The following CELA3A variants were observed in gnomAD, a reference collection of about 807,000 sequenced individuals.
CELA3A encodes chymotrypsin-like elastase family member 3A.
Under a neutral mutation model 38.6 loss-of-function variants are expected in CELA3A, and 35 were observed. The ratio of observed to expected loss-of-function variants is 0.91; its 90% CI spans 0.69 to 1.20. The LOEUF is 1.20. Ranked by LOEUF, CELA3A falls within the 50% of genes most tolerant of loss-of-function variation. The pLI, the probability that CELA3A is intolerant of heterozygous loss-of-function variation, is 0.00. For synonymous variants in CELA3A, 143 were observed against 136.7 expected (o/e 1.05, Z -0.32); for missense variants, 343 against 354.2 (o/e 0.97, Z 0.25).
chr1:22,006,906 C>G lies in CELA3A; in HGVS notation c.391C>G (p.Arg131Gly). ...GNDIALIKLSRSAQLGDAVQL... is the reference protein window; with the variant it reads ...GNDIALIKLSGSAQLGDAVQL... ...TGACATCGCCCTCATCAAGCTCTCA[C>G]GCAGCGCCCAGCTGGGAGATGCCGT... Residue 131 changes from arginine to glycine, a missense_variant, in exon 5 of 8, where the codon CGC becomes GGC. Coordinates refer to ENST00000290122, the MANE Select transcript of CELA3A (RefSeq NM_005747.5). 1 of 1,612,324 alleles carries G rather than the reference C, an allele frequency of 6.2e-7. No individual in the cohort carries two copies. Among genetic ancestry groups the G allele is most frequent in the Non-Finnish European group, 8.5e-7 (1 of 1,179,400 alleles).
At chr1:22,008,460 C>G (rs2152819729) in intron 6 of CELA3A, among the ~76,000 whole-genome samples, 1 of 142,984 alleles carries the variant, frequency 7.0e-6, no homozygotes. Context: ...AAGACCTTGT[C>G]TAAGAAAAAA....
intron 1 of CELA3A, 143 bp downstream of exon 1, chr1:22,001,860 T>C: frequency 8.3e-7 from 1 of 1,211,186 alleles, no homozygotes; most frequent in Non-Finnish European, 1.2e-6. Flanking sequence ...GGCATGACTG[T>C]AGGGGCTTTC....
At chr1:22,012,118 T>TAC (rs1232077904) in intron 7 of CELA3A, among the ~76,000 whole-genome samples, 2 of 127,650 alleles carry the variant, frequency 1.6e-5, no homozygotes, top group East Asian at 5.1e-4. Flanking sequence ...TATATATATA[T>TAC]ACACAAACAC....
intron 5 of CELA3A, 97 bp downstream of exon 5, chr1:22,007,111 A>G (rs1291757176): frequency 2.0e-6 from 3 of 1,512,128 alleles, no homozygotes; most frequent in Non-Finnish European, 2.7e-6. Context: ...CGGACCTTGT[A>G]CTTTTCTCCC....
In CELA3A at chr1:22,007,356, GC is replaced by G; in HGVS notation, c.500-16del. The G allele has an allele frequency of 6.2e-7, 1 of 1,602,870 alleles. No homozygotes were observed. Among genetic ancestry groups the G allele is most frequent in the Non-Finnish European group, 8.5e-7 (1 of 1,174,742 alleles). On this transcript the variant is annotated splice_polypyrimidine_tract_variant and intron_variant, in intron 5 of 7. Coordinates refer to ENST00000290122, the MANE Select transcript of CELA3A (RefSeq NM_005747.5). ...TGTGCCCCCAGACCCCTGACTCGGTGCTTTTTATCCTTGCAGCCAATGGGCC... is the reference window on the plus strand; with the variant it reads ...TGTGCCCCCAGACCCCTGACTCGGTGTTTTTATCCTTGCAGCCAATGGGCC...
In CELA3A at chr1:22,005,521, T is replaced by G. The variant is rs1351556381; in HGVS notation, c.204T>G (p.Val68=). ...GTAGCCTCATCGCCCCCGATTGGGT[T>G]GTGACTGCCGGCCACTGCATCTCGT... The part of the protein sequence containing the change: ...CGGSLIAPDW[V]VTAGHCISRD... The change falls in exon 3 of 8, where the codon GTT becomes GTG. Residue 68 remains valine, a synonymous_variant. Coordinates refer to ENST00000290122, the MANE Select transcript of CELA3A (RefSeq NM_005747.5). 3.1e-6 allele frequency: 5 copies of G among 1,612,826 alleles called. No individual in the cohort carries two copies. The South Asian group carries it at 3.3e-5, about 11-fold the overall frequency.
chr1:22,001,753 G>T (rs1644920005), intron 1 of CELA3A, 36 bp downstream of exon 1: 1 of 1,610,178 alleles, frequency 6.2e-7, no homozygotes, highest in African/African-American at 1.4e-5. Context: ...TCCCTGGGCT[G>T]CCCTGGACTA....
At position 22,007,008 on chromosome 1, in the gene CELA3A, C is replaced by A; in HGVS notation, c.493C>A (p.Leu165Ile). ...TPCYITGWGR[L>I]YTNGPLPDKL... ...CTGCTACATCACCGGCTGGGGCCGTCTCTATAGTACGTGCTGACTTCTCTA... is the reference window on the plus strand; with the variant it reads ...CTGCTACATCACCGGCTGGGGCCGTATCTATAGTACGTGCTGACTTCTCTA... The change falls in exon 5 of 8, where the codon CTC becomes ATC. Residue 165 changes from leucine to isoleucine, a missense_variant. By Grantham distance (5) the Leu-to-Ile change is conservative. Transcript: ENST00000290122. 1 of 1,612,370 alleles carries A rather than the reference C, an allele frequency of 6.2e-7. No individual in the cohort carries two copies. Among genetic ancestry groups the A allele is most frequent in the East Asian group, 2.2e-5 (1 of 44,700 alleles).
rs1336172444 is a variant in CELA3A, at chr1:22,007,026, C to A, written c.499+12C>A. On this transcript the variant is annotated intron_variant, in intron 5 of 7. Transcript: ENST00000290122. ...GGGCCGTCTCTATAGTACGTGCTGA[C>A]TTCTCTAGCTGGCCACAGAGACAGT... 4 of 1,611,058 alleles carry A rather than the reference C, an allele frequency of 2.5e-6. No individual in the cohort carries two copies. Among genetic ancestry groups the A allele is most frequent in the Non-Finnish European group, 3.4e-6 (4 of 1,178,572 alleles).
At chr1:22,004,088 T>C (rs1005352688) in intron 2 of CELA3A, among the ~76,000 whole-genome samples, 8 of 149,690 alleles carry the variant, frequency 5.3e-5, no homozygotes, top group African/African-American at 2.0e-4. Flanking sequence ...TTTTTTTTTT[T>C]TGAGACAGGG....
At chr1:22,001,857 C>A in intron 1 of CELA3A, 140 bp downstream of exon 1, 1 of 1,217,320 alleles carries the variant, frequency 8.2e-7, no homozygotes, top group Non-Finnish European at 1.2e-6. Flanking sequence ...GGGGGCATGA[C>A]TGTAGGGGCT....
rs778405151 is a variant in CELA3A at position 22,008,737 on chromosome 1, T to C, written c.643-968T>C. 5.3e-3 allele frequency among the ~76,000 whole-genome samples: 507 copies of C among 96,332 alleles called. 25 individuals carry two copies. The highest frequency in any genetic ancestry group is 0.018 in the African/African-American group (480 of 27,020). The allele number at this position is 96,332 out of a possible 152,430, so 63.2% of individuals were successfully genotyped here. A position where few individuals can be genotyped will look rare whatever the true frequency, so the allele number is the denominator to read the frequency against. On this transcript the variant is annotated intron_variant, in intron 6 of 7. Coordinates refer to ENST00000290122, the MANE Select transcript of CELA3A (RefSeq NM_005747.5). ...TCGCGCCACTGCACTCCAACCTGGG[T>C]GACAGAGCGAGACGCTGACTCAGAA... is the stretch of plus-strand genomic sequence containing the variant.
intron 2 of CELA3A, 43 bp downstream of exon 2, chr1:22,003,131 G>A: frequency 6.6e-7 from 1 of 1,520,850 alleles, no homozygotes; most frequent in Non-Finnish European, 8.9e-7. Context: ...CGTGGGCTCT[G>A]GACCCTAAGC....
chr1:22,009,598 C>T (rs1644971042), intron 6 of CELA3A, 107 bp from the exon 7 acceptor site: 1 of 1,391,370 alleles, frequency 7.2e-7, no homozygotes, highest in Non-Finnish European at 9.8e-7. Flanking sequence ...AGCTAAGGCT[C>T]AGAGGTGTCA....
At position 22,009,772 on chromosome 1, in the gene CELA3A, G is replaced by T. The variant is rs757118771; in HGVS notation, c.710G>T (p.Ser237Ile). The T allele has an allele frequency of 2.5e-6, 4 of 1,612,040 alleles. No homozygotes were observed. The highest frequency in any genetic ancestry group is 3.4e-6 in the Non-Finnish European group (4 of 1,179,344). ...DGGWQVHGVT[S>I]FVSAFGCNFI... ...GGCTGGCAGGTCCACGGTGTGACCA[G>T]CTTTGTTTCTGCCTTTGGCTGCAAC... Residue 237 changes from serine (S) to isoleucine (I), a missense_variant, in exon 7 of 8, where the codon AGC (serine) becomes ATC (isoleucine). Coordinates refer to ENST00000290122, the MANE Select transcript of CELA3A (RefSeq NM_005747.5).
chr1:22,005,750 G>A lies in CELA3A; in HGVS notation c.316G>A (p.Glu106Lys), dbSNP rs768608330. ...GCAGGTGATCCCCATCAACTCTGAG[G>A]AGCTGTTTGTGCATCCACTCTGGAA... ...PEQVIPINSE[E>K]LFVHPLWNRS... Residue 106 changes from glutamate to lysine, a missense_variant, in exon 4 of 8, where the codon GAG (glutamate) becomes AAG (lysine). Glu to Lys is a moderately conservative substitution (Grantham distance 56). Coordinates refer to ENST00000290122, the MANE Select transcript of CELA3A (RefSeq NM_005747.5). 11 of 1,612,194 alleles carry A rather than the reference G, an allele frequency of 6.8e-6. No individual in the cohort carries two copies. Among genetic ancestry groups the A allele is most frequent in the Admixed American group, 1.7e-5 (1 of 59,942 alleles).
At position 22,007,166 on chromosome 1, in the gene CELA3A, G is replaced by C. The variant is rs552080035; in HGVS notation, c.499+152G>C. The C allele has an allele frequency of 5.0e-6, 7 of 1,389,618 alleles. No individual in the cohort carries two copies. The East Asian group carries it at 1.5e-4, about 29-fold the overall frequency. 86.1% of individuals were successfully genotyped at this position (1,389,618 alleles called of 1,614,324 possible). A position where few individuals can be genotyped will look rare whatever the true frequency, so the allele number is the denominator to read the frequency against. On this transcript the variant is annotated intron_variant, in intron 5 of 7. Coordinates refer to ENST00000290122, the MANE Select transcript of CELA3A (RefSeq NM_005747.5). The stretch of plus-strand genomic sequence containing the variant: ...CTTCTTCCATCAACCTCCAAAACAC[G>C]AATGTGGTCAATTGCACATGTTTTG...
intron 2 of CELA3A, among the ~76,000 whole-genome samples, chr1:22,004,128 G>A (rs1291587140): frequency 6.9e-6 from 1 of 144,318 alleles, no homozygotes; most frequent in Admixed American, 7.0e-5. Flanking sequence ...CTGGAGTGCA[G>A]TGGTGTGATC....
Position 22,007,016 on chromosome 1 carries a change from T to C in CELA3A, c.499+2T>C. The C allele has an allele frequency of 6.2e-7, 1 of 1,612,224 alleles. No individual in the cohort carries two copies. The highest frequency in any genetic ancestry group is 1.1e-5 in the South Asian group (1 of 91,004). On this transcript the variant is annotated splice_donor_variant, in intron 5 of 7. Coordinates refer to ENST00000290122, the MANE Select transcript of CELA3A (RefSeq NM_005747.5). LOFTEE classifies it high-confidence loss of function. ...TCACCGGCTGGGGCCGTCTCTATAG[T>C]ACGTGCTGACTTCTCTAGCTGGCCA... is the stretch of plus-strand genomic sequence containing the variant.
Sources: gnomAD v4.1 joint callset for allele counts (sites outside exome capture counted in the v4.1 genomes callset) on GRCh38, gnomAD v4.1.1 for gene constraint, MANE v1.5 for transcripts, NCBI Gene and HGNC (gene_info 2026-07-23, HGNC 2026-07-21) for gene names.